TSC22D1: variants seen among roughly 807,000 people sequenced by gnomAD.
The protein encoded by TSC22D1 is TSC22 domain family protein 1.
Under a neutral mutation model 74.2 loss-of-function variants are expected in TSC22D1, and 9 were observed. The ratio of observed to expected loss-of-function variants is 0.12; its 90% CI spans 0.07 to 0.21. The LOEUF is 0.21. Among genes scored for constraint, TSC22D1 ranks in the 10% least tolerant of loss-of-function variants. The pLI, the probability that TSC22D1 is intolerant of heterozygous loss-of-function variation, is 1.00. For synonymous variants in TSC22D1, 586 were observed against 492.5 expected (o/e 1.19, Z -2.51); for missense variants, 1,427 against 1,304.7 (o/e 1.09, Z -1.44).
chr13:44,455,962 T>C (rs1367317386), intron 1 of TSC22D1, among the ~76,000 whole-genome samples: 1 of 152,128 alleles, frequency 6.6e-6, no homozygotes, highest in Non-Finnish European at 1.5e-5. Context: ...CAAAGACCAT[T>C]GATATGCAGT....
At position 44,433,070 on chromosome 13, in the gene TSC22D1, G is replaced by T. The variant is rs888025762; in HGVS notation, c.*1556C>A. On this transcript the variant is annotated 3_prime_UTR_variant, in exon 3 of 3. Coordinates refer to ENST00000458659, the MANE Select transcript of TSC22D1 (RefSeq NM_183422.4). ...CACTAGGAGAAACATCCCAACCCAG[G>T]GTGACAGGGTTCTTAAAGTGGAAAT... 2 of 152,118 alleles carry T rather than the reference G, an allele frequency of 1.3e-5. No homozygotes were observed. Among genetic ancestry groups the T allele is most frequent in the Non-Finnish European group, 2.9e-5 (2 of 68,038 alleles). 9.4% of individuals were successfully genotyped at this position (152,118 alleles called of 1,614,324 possible).
chr13:44,562,595 G>T (rs1322895302), intron 1 of TSC22D1, among the ~76,000 whole-genome samples: 2 of 151,962 alleles, frequency 1.3e-5, no homozygotes, highest in Non-Finnish European at 2.9e-5. Flanking sequence ...CAGTAGACAG[G>T]AAAAAAATAA....
intron 1 of TSC22D1, among the ~76,000 whole-genome samples, chr13:44,526,496 G>C (rs1459732157): frequency 1.3e-5 from 2 of 151,716 alleles, no homozygotes; most frequent in African/African-American, 4.8e-5. Flanking sequence ...AAAAGGAATA[G>C]AATATCCTAA....
intron 1 of TSC22D1, among the ~76,000 whole-genome samples, chr13:44,452,386 A>G (rs894651013): frequency 6.6e-6 from 1 of 152,160 alleles, no homozygotes; most frequent in Non-Finnish European, 1.5e-5. Flanking sequence ...CTTGAAGTTT[A>G]TGGCCTCCTC....
intron 1 of TSC22D1, among the ~76,000 whole-genome samples, chr13:44,525,079 T>C (rs1265980543): frequency 6.6e-6 from 1 of 152,136 alleles, no homozygotes; most frequent in Non-Finnish European, 1.5e-5. Context: ...AATATCCAAC[T>C]AGGGTTCTCT....
intron 1 of TSC22D1, among the ~76,000 whole-genome samples, chr13:44,505,119 T>C (rs376405942): frequency 6.6e-6 from 1 of 152,188 alleles, no homozygotes; most frequent in Non-Finnish European, 1.5e-5. Flanking sequence ...ATCATCCTTG[T>C]ATGATTTGGT....
chr13:44,449,036 A>T (rs1449338483), intron 1 of TSC22D1, among the ~76,000 whole-genome samples: 25 of 152,240 alleles, frequency 1.6e-4, no homozygotes, highest in African/African-American at 6.0e-4. Flanking sequence ...ACAAGCTGGG[A>T]GGCTGTGTGG....
At chr13:44,534,661 G>GC (rs915704678) in intron 1 of TSC22D1, among the ~76,000 whole-genome samples, 22 of 151,902 alleles carry the variant, frequency 1.4e-4, no homozygotes, top group African/African-American at 5.3e-4. Context: ...TATATACCAG[G>GC]CAACAATATT....
intron 1 of TSC22D1, among the ~76,000 whole-genome samples, chr13:44,530,891 T>C (rs1027007961): frequency 2.0e-5 from 3 of 152,178 alleles, no homozygotes; most frequent in Non-Finnish European, 4.4e-5. Context: ...TCATTGCTGA[T>C]GGGAATGCAA....
chr13:44,514,554 C>A (rs566692897), intron 1 of TSC22D1, among the ~76,000 whole-genome samples: 1 of 151,864 alleles, frequency 6.6e-6, no homozygotes, highest in East Asian at 1.9e-4. Flanking sequence ...TACGGAAACA[C>A]AAATATTTAT....
At chr13:44,449,009 A>AGC (rs1480788617) in intron 1 of TSC22D1, among the ~76,000 whole-genome samples, 25 of 152,122 alleles carry the variant, frequency 1.6e-4, no homozygotes, top group African/African-American at 6.0e-4. Flanking sequence ...AAAGCCACCC[A>AGC]TTTTACAGAT....
chr13:44,529,365 T>G (rs905553496), intron 1 of TSC22D1, among the ~76,000 whole-genome samples: 1 of 151,576 alleles, frequency 6.6e-6, no homozygotes, highest in African/African-American at 2.4e-5. Flanking sequence ...ATGACAAAAA[T>G]CCAACATCCA....
chr13:44,531,215 A>T (rs1422103373), intron 1 of TSC22D1, among the ~76,000 whole-genome samples: 5 of 152,180 alleles, frequency 3.3e-5, no homozygotes, highest in African/African-American at 1.2e-4. Flanking sequence ...AGGGAGGAGG[A>T]GGTAAATGGG....
chr13:44,539,652 T>C, intron 1 of TSC22D1: 1 of 1,151,148 alleles, frequency 8.7e-7, no homozygotes, highest in South Asian at 1.9e-5. Context: ...CAAAACAGAT[T>C]GCAGTCCCAC....
At chr13:44,544,542 T>C (rs1468853116) in intron 1 of TSC22D1, among the ~76,000 whole-genome samples, 3 of 145,274 alleles carry the variant, frequency 2.1e-5, no homozygotes, top group African/African-American at 5.1e-5. Flanking sequence ...TTTTTTTTAA[T>C]TAAAAAAAAA....
At chr13:44,538,806 T>A in intron 1 of TSC22D1, 1 of 985,432 alleles carries the variant, frequency 1.0e-6, no homozygotes, top group Non-Finnish European at 1.2e-6. Context: ...TGCTGGCATG[T>A]GTGACAGATA....
At chr13:44,476,909 TC>T (rs1241279767) in intron 1 of TSC22D1, among the ~76,000 whole-genome samples, 4 of 152,014 alleles carry the variant, frequency 2.6e-5, no homozygotes, top group Non-Finnish European at 4.4e-5. Context: ...TCTCAAGCAA[TC>T]CTCCTGCCTC....
chr13:44,474,874 C>G (rs1425555370), intron 1 of TSC22D1, among the ~76,000 whole-genome samples: 1 of 152,100 alleles, frequency 6.6e-6, no homozygotes, highest in African/African-American at 2.4e-5. Flanking sequence ...AACGAGATAT[C>G]TGACAACTTT....
In TSC22D1 at chr13:44,552,449, A is replaced by T. The variant is rs187573868; in HGVS notation, c.2912+20714T>A. Reference sequence around the variant, plus strand: ...TTTCCCTACATTTATGAAGTTAACTAGTTCTTTCTAACTTATGTACAAGAT... The same window carrying T: ...TTTCCCTACATTTATGAAGTTAACTTGTTCTTTCTAACTTATGTACAAGAT... On this transcript the variant is annotated intron_variant, in intron 1 of 2. Coordinates refer to ENST00000458659, the MANE Select transcript of TSC22D1 (RefSeq NM_183422.4). Among the ~76,000 whole-genome samples, 962 of 152,236 alleles carry T rather than the reference A, an allele frequency of 6.3e-3. 9 individuals carry two copies. Among genetic ancestry groups the T allele is most frequent in the Middle Eastern group, 0.024 (7 of 294 alleles).
Sources: gnomAD v4.1 joint callset for allele counts (sites outside exome capture counted in the v4.1 genomes callset) on GRCh38, gnomAD v4.1.1 for gene constraint, MANE v1.5 for transcripts, NCBI Gene and HGNC (gene_info 2026-07-23, HGNC 2026-07-21) for gene names.